CCDC186: variants seen among roughly 807,000 people sequenced by gnomAD.
The protein encoded by CCDC186 is coiled-coil domain-containing protein 186.
CCDC186 carries 49 observed loss-of-function variants against 113.7 expected under a neutral mutation model. The observed-to-expected ratio is 0.43, with a 90% confidence interval of 0.34 to 0.55. The LOEUF (loss-of-function observed/expected upper bound fraction) is 0.55. CCDC186 is among the 20% of genes least tolerant of loss of function. The pLI is 0.02. For missense variants in CCDC186, 890 were observed against 1,011.1 expected, an observed-to-expected ratio of 0.88 and a Z score of 1.62; for synonymous variants, 355 against 345.8, an observed-to-expected ratio of 1.03 and a Z score of -0.30.
intron 1 of CCDC186, chr10:114,168,058 A>G (rs1190828373): frequency 6.6e-6 from 1 of 152,186 alleles, no homozygotes; most frequent in Non-Finnish European, 1.5e-5. Flanking sequence ...ATAGATTATA[A>G]TACCTTTTAG....
intron 5 of CCDC186, 94 bp from the exon 6 acceptor site, chr10:114,144,710 T>A: frequency 9.0e-7 from 1 of 1,117,102 alleles, no homozygotes; most frequent in Non-Finnish European, 1.2e-6. Context: ...CCAGTAACAC[T>A]ATAATCAAGG....
At chr10:114,152,691 A>C (rs908294661) in intron 3 of CCDC186, among the ~76,000 whole-genome samples, 2 of 152,224 alleles carry the variant, frequency 1.3e-5, no homozygotes, top group Non-Finnish European at 2.9e-5. Flanking sequence ...TCCTATCAAA[A>C]GGCAGAAACT....
chr10:114,164,100 G>A (rs202054076), intron 1 of CCDC186, among the ~76,000 whole-genome samples: 3 of 120,234 alleles, frequency 2.5e-5, no homozygotes, highest in African/African-American at 7.4e-5. Flanking sequence ...GTGTGTGTGT[G>A]TGTATATATA....
At chr10:114,139,352 C>T (rs528768055) in intron 6 of CCDC186, among the ~76,000 whole-genome samples, 70 of 152,076 alleles carry the variant, frequency 4.6e-4, no homozygotes, top group African/African-American at 1.6e-3. Context: ...CACCTGAGGT[C>T]AGGAGTTGAA....
At position 114,163,093 on chromosome 10, in the gene CCDC186, T is replaced by C. The variant is rs377016510; in HGVS notation, c.176A>G (p.His59Arg). ...TDKTLCQPNE[H>R]NNRIEAQENY... ...TTCCTGGGCTTCAATTCGATTATTA[T>C]GCTCATTAGGTTGACATAAAGTTTT... The change falls in exon 2 of 16, where the codon CAT becomes CGT. Residue 59 changes from histidine to arginine, a missense_variant. His to Arg is a conservative substitution (Grantham distance 29). Coordinates refer to ENST00000369287, the MANE Select transcript of CCDC186 (RefSeq NM_018017.4). The C allele has an allele frequency of 5.0e-6, 8 of 1,613,990 alleles. No individual in the cohort carries two copies. In the African/African-American group the frequency reaches 8.0e-5, roughly 16 times the overall value.
chr10:114,132,350 A>C (rs186461664), intron 10 of CCDC186, among the ~76,000 whole-genome samples, 166 bp from the exon 11 acceptor site: 1 of 152,360 alleles, frequency 6.6e-6, no homozygotes, highest in Non-Finnish European at 1.5e-5. Context: ...GCTGGAAAGA[A>C]AAGTGAGCAA....
intron 6 of CCDC186, 80 bp downstream of exon 6, chr10:114,144,417 G>A (rs537209006): frequency 2.5e-5 from 37 of 1,489,014 alleles, no homozygotes; most frequent in Middle Eastern, 3.9e-4. Flanking sequence ...GCGAGACTCC[G>A]TCTCAAAAAA....
At chr10:114,173,631 A>G (rs562667442) in intron 1 of CCDC186, among the ~76,000 whole-genome samples, 1 of 152,318 alleles carries the variant, frequency 6.6e-6, no homozygotes, top group South Asian at 2.1e-4. Context: ...CGAAAAACGA[A>G]ATAGGCGATT....
At chr10:114,166,272 C>G (rs1422066082) in intron 1 of CCDC186, among the ~76,000 whole-genome samples, 1 of 152,188 alleles carries the variant, frequency 6.6e-6, no homozygotes, top group Non-Finnish European at 1.5e-5. Flanking sequence ...CTAGCCCAAC[C>G]AGTCTAACTC....
At chr10:114,173,748 C>T (rs1011514576) in intron 1 of CCDC186, among the ~76,000 whole-genome samples, 1 of 152,240 alleles carries the variant, frequency 6.6e-6, no homozygotes, top group Non-Finnish European at 1.5e-5. Context: ...CCCACGACCC[C>T]CGCTGACCCC....
At position 114,145,638 on chromosome 10, in the gene CCDC186, C is replaced by T. The variant is rs752958515; in HGVS notation, c.1012G>A (p.Asp338Asn). Residue 338 changes from aspartate (D) to asparagine (N), a missense_variant, in exon 5 of 16, where the codon GAT (aspartate) becomes AAT (asparagine). Coordinates refer to ENST00000369287, the MANE Select transcript of CCDC186 (RefSeq NM_018017.4). Reference sequence around the variant, plus strand: ...TTTTTCTCAAGTTCCTTATTTGCATCTCTAAGTTTTTTCTCAAGTGTCTCT... The same window carrying T: ...TTTTTCTCAAGTTCCTTATTTGCATTTCTAAGTTTTTTCTCAAGTGTCTCT... ...EKETLEKKLR[D>N]ANKELEKNTN... The T allele has an allele frequency of 6.2e-7, 1 of 1,613,412 alleles. No homozygotes were observed. The highest frequency in any genetic ancestry group is 1.1e-5 in the South Asian group (1 of 90,918).
chr10:114,156,815 A>G (rs910408853), intron 3 of CCDC186, among the ~76,000 whole-genome samples: 1 of 152,230 alleles, frequency 6.6e-6, no homozygotes, highest in Non-Finnish European at 1.5e-5. Context: ...AAAGTATGAC[A>G]GCCAGCCTTC....
intron 6 of CCDC186, among the ~76,000 whole-genome samples, chr10:114,137,701 G>A (rs1305806417): frequency 6.6e-6 from 1 of 152,034 alleles, no homozygotes; most frequent in Non-Finnish European, 1.5e-5. Context: ...TCAGGAACTT[G>A]AGACCAGCCT....
chr10:114,123,215 T>C lies in CCDC186; in HGVS notation c.*1928A>G, dbSNP rs2030784782. On this transcript the variant is annotated 3_prime_UTR_variant, in exon 16 of 16. Coordinates refer to ENST00000369287, the MANE Select transcript of CCDC186 (RefSeq NM_018017.4). ...TTCAGATTTGATTGCACTTTCCCTC[T>C]TATTTTGATAAATTATTATTGGTAA... The C allele has an allele frequency of 6.6e-6, 1 of 152,632 alleles. No individual in the cohort carries two copies. Among genetic ancestry groups the C allele is most frequent in the Non-Finnish European group, 1.5e-5 (1 of 68,022 alleles). 9.5% of individuals were successfully genotyped at this position (152,632 alleles called of 1,614,324 possible).
At chr10:114,134,892 C>T in intron 10 of CCDC186, 21 bp downstream of exon 10, 1 of 1,592,850 alleles carries the variant, frequency 6.3e-7, no homozygotes, top group South Asian at 1.2e-5. Context: ...TTAATACAAA[C>T]AGAAGTTGCT....
At chr10:114,163,826 C>T (rs2032248903) in intron 1 of CCDC186, among the ~76,000 whole-genome samples, 1 of 151,922 alleles carries the variant, frequency 6.6e-6, no homozygotes. Flanking sequence ...AGAAGGAAAC[C>T]TAAATAACAA....
At chr10:114,167,015 GT>G (rs201434736) in intron 1 of CCDC186, among the ~76,000 whole-genome samples, 12,364 of 127,240 alleles carry the variant, frequency 0.097, 544 homozygotes, top group Middle Eastern at 0.16. Context: ...TTGCAAGCTG[GT>G]TTTTTTTTTT....
chr10:114,133,692 A>C (rs757290119), intron 10 of CCDC186, among the ~76,000 whole-genome samples: 1 of 152,212 alleles, frequency 6.6e-6, no homozygotes, highest in Non-Finnish European at 1.5e-5. Context: ...TTAAAAGATG[A>C]TAAGAATTCA....
intron 1 of CCDC186, among the ~76,000 whole-genome samples, chr10:114,166,716 T>C (rs758348347): frequency 3.0e-4 from 45 of 152,342 alleles, no homozygotes; most frequent in Middle Eastern, 3.4e-3. Context: ...GTTTACACAG[T>C]GATCTAGGGA....
Sources: allele counts gnomAD v4.1 joint callset (sites outside exome capture counted in the v4.1 genomes callset), GRCh38; gene constraint gnomAD v4.1.1; transcripts MANE v1.5; gene names NCBI Gene and HGNC (gene_info 2026-07-23, HGNC 2026-07-21).